MND1: variants seen among roughly 807,000 people sequenced by gnomAD.
MND1 encodes meiotic nuclear divisions 1, also known as meiotic nuclear division protein 1 homolog.
A neutral mutation model predicts 35.1 loss-of-function variants in MND1; 28 were observed. The ratio of observed to expected loss-of-function variants is 0.80; its 90% CI spans 0.59 to 1.09. The LOEUF (loss-of-function observed/expected upper bound fraction) is 1.09, where lower values mean the gene tolerates loss of function less well. MND1 is among the 50% of genes least tolerant of loss of function. The probability of loss-of-function intolerance (pLI) is 0.00; values close to 1 mark genes in which losing one functional copy is unlikely to be tolerated. For synonymous variants in MND1, 69 were observed against 70.5 expected, an observed-to-expected ratio of 0.98 and a Z score of 0.11; for missense variants, 213 against 239.6, an observed-to-expected ratio of 0.89 and a Z score of 0.73.
chr4:153,396,021 G>A (rs1488958647), intron 5 of MND1, among the ~76,000 whole-genome samples: 1 of 152,004 alleles, frequency 6.6e-6, no homozygotes, highest in Non-Finnish European at 1.5e-5. Flanking sequence ...CACCACACTT[G>A]GTGACAGTGT....
chr4:153,363,561 T>C (rs1045011405), intron 4 of MND1, among the ~76,000 whole-genome samples: 1 of 152,214 alleles, frequency 6.6e-6, no homozygotes, highest in African/African-American at 2.4e-5. Context: ...GCATGTTTTT[T>C]GAGTAACAGA....
At chr4:153,381,926 A>G (rs550955892) in intron 4 of MND1, 35 of 151,404 alleles carry the variant, frequency 2.3e-4, no homozygotes, top group African/African-American at 8.0e-4. Flanking sequence ...CCTGATCAGC[A>G]TAGCACACAA....
At chr4:153,367,677 G>A (rs1773690972) in intron 4 of MND1, among the ~76,000 whole-genome samples, 1 of 152,158 alleles carries the variant, frequency 6.6e-6, no homozygotes, top group Admixed American at 6.5e-5. Flanking sequence ...GTGGACATAT[G>A]TTTTCATTTC....
In MND1 at chr4:153,356,786, TTTTA is replaced by T. The variant is rs540830199; in HGVS notation, c.127+1091_127+1094del. On this transcript the variant is annotated intron_variant, in intron 3 of 7. Coordinates refer to ENST00000240488, the MANE Select transcript of MND1 (RefSeq NM_032117.4). Reference sequence around the variant, plus strand: ...TCATATATTGGCCATGCATATTTTATTTTATTTATTTATTTATTTGTTTATTTAT... The same window carrying T: ...TCATATATTGGCCATGCATATTTTATTTTATTTATTTATTTGTTTATTTAT... 2.5e-3 allele frequency among the ~76,000 whole-genome samples: 378 copies of T among 151,956 alleles called. 1 individual carries two copies. The highest frequency in any genetic ancestry group is 8.7e-3 in the African/African-American group (359 of 41,456).
chr4:153,385,552 C>A (rs531649001), intron 4 of MND1, among the ~76,000 whole-genome samples: 3 of 151,706 alleles, frequency 2.0e-5, no homozygotes, highest in Non-Finnish European at 4.4e-5. Flanking sequence ...ACTGCCTCTA[C>A]GAAAAATACA....
intron 4 of MND1, among the ~76,000 whole-genome samples, chr4:153,359,035 AT>A (rs1773414877): frequency 6.6e-6 from 1 of 152,172 alleles, no homozygotes; most frequent in African/African-American, 2.4e-5. Context: ...TTGAGTCAAT[AT>A]TGATTTATTA....
At chr4:153,348,175 T>A (rs1773118410) in intron 1 of MND1, among the ~76,000 whole-genome samples, 1 of 152,138 alleles carries the variant, frequency 6.6e-6, no homozygotes, top group Non-Finnish European at 1.5e-5. Context: ...AATAATTAAA[T>A]GCTGAAACTG....
chr4:153,370,103 G>A (rs1029142801), intron 4 of MND1, among the ~76,000 whole-genome samples: 2 of 151,898 alleles, frequency 1.3e-5, no homozygotes, highest in African/African-American at 4.8e-5. Context: ...CCAACATCGT[G>A]AAACCCTGTC....
intron 4 of MND1, among the ~76,000 whole-genome samples, chr4:153,364,604 C>T (rs1413902488): frequency 6.6e-6 from 1 of 152,038 alleles, no homozygotes; most frequent in East Asian, 1.9e-4. Context: ...ACATTCATAG[C>T]AGCATTACAG....
At chr4:153,400,754 C>G (rs760474464) in intron 6 of MND1, among the ~76,000 whole-genome samples, 4 of 151,956 alleles carry the variant, frequency 2.6e-5, no homozygotes, top group Non-Finnish European at 4.4e-5. Flanking sequence ...TTCATTATGT[C>G]TGGCATACAA....
chr4:153,384,547 C>T (rs548900667), intron 4 of MND1, among the ~76,000 whole-genome samples: 12 of 148,706 alleles, frequency 8.1e-5, no homozygotes, highest in African/African-American at 3.0e-4. Flanking sequence ...CCCACCTTGG[C>T]CTCCCAAAGT....
chr4:153,390,605 A>G (rs1331111219), intron 4 of MND1, among the ~76,000 whole-genome samples: 1 of 152,070 alleles, frequency 6.6e-6, no homozygotes, highest in East Asian at 1.9e-4. Flanking sequence ...CCAGTGCTCT[A>G]GGAAGCCCAG....
intron 4 of MND1, among the ~76,000 whole-genome samples, chr4:153,387,126 T>C (rs1171816451): frequency 6.6e-6 from 1 of 152,246 alleles, no homozygotes; most frequent in Non-Finnish European, 1.5e-5. Flanking sequence ...GAGATAACCA[T>C]TGCTTAGATT....
At chr4:153,372,852 T>A (rs1161886279) in intron 4 of MND1, among the ~76,000 whole-genome samples, 6 of 152,206 alleles carry the variant, frequency 3.9e-5, no homozygotes, top group Non-Finnish European at 7.3e-5. Flanking sequence ...AGTTTATTGA[T>A]GAACATATAG....
intron 7 of MND1, 102 bp downstream of exon 7, chr4:153,409,117 C>CATTTTT (rs772848312): frequency 1.8e-5 from 10 of 558,560 alleles, no homozygotes; most frequent in Non-Finnish European, 2.7e-5. Context: ...CAAGAAAGGA[C>CATTTTT]GTTAATGAAA....
chr4:153,411,173 G>A (rs1729671775), intron 7 of MND1, among the ~76,000 whole-genome samples: 1 of 152,042 alleles, frequency 6.6e-6, no homozygotes, highest in Non-Finnish European at 1.5e-5. Flanking sequence ...ATGAAACCTT[G>A]CTTAATAATT....
chr4:153,348,521 G>A (rs1773129429), intron 1 of MND1, among the ~76,000 whole-genome samples: 2 of 152,150 alleles, frequency 1.3e-5, no homozygotes, highest in South Asian at 4.1e-4. Context: ...GCCAAACCCA[G>A]CAGAAAAACA....
Position 153,353,404 on chromosome 4 carries a change from CATATATATATATATATATATATATAT to C in MND1, c.70-2231_70-2206del, listed in dbSNP as rs58280101. Among the ~76,000 whole-genome samples the C allele has an allele frequency of 1.1e-3, 91 of 81,942 alleles. 3 individuals carry two copies. The East Asian group carries it at 0.017, about 15-fold the overall frequency. 53.8% of individuals were successfully genotyped at this position (81,942 alleles called of 152,430 possible). A position where few individuals can be genotyped will look rare whatever the true frequency, so the allele number is the denominator to read the frequency against. On this transcript the variant is annotated intron_variant, in intron 2 of 7. Coordinates refer to ENST00000240488, the MANE Select transcript of MND1 (RefSeq NM_032117.4). ...ACATTTTATTCTACTGACTTTATCA[CATATATATATATATATATATATATAT>C]ATATATATATATATATATTCATCTA...
intron 6 of MND1, among the ~76,000 whole-genome samples, chr4:153,397,663 A>C (rs1056216789): frequency 5.3e-5 from 8 of 151,398 alleles, no homozygotes; most frequent in South Asian, 2.1e-4. Flanking sequence ...CAAAAAAAAA[A>C]CACAAAATTA....
Sources: allele counts gnomAD v4.1 joint callset (sites outside exome capture counted in the v4.1 genomes callset), GRCh38; gene constraint gnomAD v4.1.1; transcripts MANE v1.5; gene names NCBI Gene and HGNC (gene_info 2026-07-23, HGNC 2026-07-21).